The following STXBP6 variants were observed in gnomAD, a reference collection of about 807,000 sequenced individuals.
STXBP6 encodes the protein syntaxin-binding protein 6.
In STXBP6, 21 loss-of-function variants were observed where a neutral mutation model predicts 26.9. The observed-to-expected ratio is 0.78, with a 90% confidence interval of 0.55 to 1.12. STXBP6 has a LOEUF of 1.12. Ranked by LOEUF, STXBP6 falls within the 50% of genes most tolerant of loss-of-function variation. The pLI is 0.00. For synonymous variants in STXBP6, 97 were observed against 92.6 expected (o/e 1.05, Z -0.27); for missense variants, 232 against 257.9 (o/e 0.90, Z 0.69).
intron 2 of STXBP6, among the ~76,000 whole-genome samples, chr14:24,948,929 C>A (rs889539339): frequency 6.6e-6 from 1 of 152,078 alleles, no homozygotes; most frequent in Admixed American, 6.5e-5. Context: ...GGAATACGAT[C>A]TAGGAGGCAT....
At chr14:25,042,474 G>A (rs11626436) in intron 1 of STXBP6, among the ~76,000 whole-genome samples, 28,117 of 152,156 alleles carry the variant, frequency 0.18, 2,661 homozygotes, top group East Asian at 0.21. Flanking sequence ...AAGGTCAATA[G>A]CATTTAGCAT....
intron 2 of STXBP6, among the ~76,000 whole-genome samples, chr14:24,933,333 T>C (rs573082769): frequency 2.7e-4 from 41 of 152,146 alleles, no homozygotes; most frequent in African/African-American, 9.6e-4. Context: ...CAGAGTGAGA[T>C]TCTGTCTCAA....
chr14:24,846,000 G>C (rs2068947342), intron 4 of STXBP6, among the ~76,000 whole-genome samples: 1 of 152,206 alleles, frequency 6.6e-6, no homozygotes, highest in Admixed American at 6.5e-5. Context: ...TAGGTTTCTG[G>C]AGTCCAGAAC....
chr14:24,823,767 T>TA (rs2138806546), intron 4 of STXBP6, among the ~76,000 whole-genome samples: 2 of 152,290 alleles, frequency 1.3e-5, no homozygotes, highest in South Asian at 4.1e-4. Context: ...CCCACTTATC[T>TA]AAACTAACTT....
intron 2 of STXBP6, among the ~76,000 whole-genome samples, chr14:24,897,848 G>A (rs2071052982): frequency 6.6e-6 from 1 of 152,174 alleles, no homozygotes; most frequent in African/African-American, 2.4e-5. Context: ...GTTTGGCCAA[G>A]GGAAGATGCC....
At chr14:24,885,569 C>A (rs997790964) in intron 2 of STXBP6, among the ~76,000 whole-genome samples, 1 of 152,360 alleles carries the variant, frequency 6.6e-6, no homozygotes, top group Non-Finnish European at 1.5e-5. Flanking sequence ...ATCATTAACT[C>A]AGGCACAGCT....
intron 1 of STXBP6, among the ~76,000 whole-genome samples, chr14:25,042,852 C>T (rs1173737490): frequency 6.6e-6 from 1 of 152,216 alleles, no homozygotes; most frequent in African/African-American, 2.4e-5. Context: ...CCAACTGTGT[C>T]AGCTCCAGCG....
intron 1 of STXBP6, among the ~76,000 whole-genome samples, chr14:24,978,796 T>C (rs1288560367): frequency 6.6e-6 from 1 of 152,236 alleles, no homozygotes; most frequent in Non-Finnish European, 1.5e-5. Context: ...TGTAGTGTGA[T>C]GCCTTTCCAC....
chr14:24,845,976 C>G (rs1013682198), intron 4 of STXBP6, among the ~76,000 whole-genome samples: 1 of 152,160 alleles, frequency 6.6e-6, no homozygotes, highest in African/African-American at 2.4e-5. Context: ...GGACACAGCC[C>G]TACTCACTGA....
chr14:25,023,627 A>G (rs1455981037), intron 1 of STXBP6, among the ~76,000 whole-genome samples: 1 of 152,064 alleles, frequency 6.6e-6, no homozygotes, highest in Non-Finnish European at 1.5e-5. Flanking sequence ...TGGGCAACAT[A>G]GCAAGACCCC....
In STXBP6 at chr14:24,908,160, G is replaced by T. The variant is rs897757309; in HGVS notation, c.155-51003C>A. On this transcript the variant is annotated intron_variant, in intron 2 of 5. Coordinates refer to ENST00000323944, the MANE Select transcript of STXBP6 (RefSeq NM_001394410.1). ...AAGTCTTTCGTCTTTACAATAAATA[G>T]TATCACCACTCAGCTGGGTACACTG... Among the ~76,000 whole-genome samples the T allele has an allele frequency of 5.3e-5, 8 of 152,208 alleles. No individual in the cohort carries two copies. In the East Asian group the frequency reaches 1.5e-3, roughly 29 times the overall value.
chr14:24,885,401 C>T (rs530527307), intron 2 of STXBP6, among the ~76,000 whole-genome samples: 1 of 152,292 alleles, frequency 6.6e-6, no homozygotes, highest in South Asian at 2.1e-4. Flanking sequence ...CCAAAGGCCA[C>T]AGGGTAAACT....
At chr14:24,858,527 A>G (rs917807172) in intron 2 of STXBP6, among the ~76,000 whole-genome samples, 1 of 152,090 alleles carries the variant, frequency 6.6e-6, no homozygotes, top group South Asian at 2.1e-4. Context: ...TTTCATACCA[A>G]TTACATTTAC....
intron 4 of STXBP6, among the ~76,000 whole-genome samples, chr14:24,823,179 A>C (rs944472550): frequency 6.6e-6 from 1 of 152,208 alleles, no homozygotes; most frequent in Admixed American, 6.5e-5. Context: ...TGCTTTTAAA[A>C]AAATATATAC....
intron 2 of STXBP6, among the ~76,000 whole-genome samples, chr14:24,972,043 G>A (rs1341484942): frequency 1.3e-5 from 2 of 152,138 alleles, no homozygotes; most frequent in Non-Finnish European, 2.9e-5. Flanking sequence ...CTGCTTCTTT[G>A]TCACTTACAA....
chr14:25,008,119 C>A (rs2074944949), intron 1 of STXBP6, among the ~76,000 whole-genome samples: 1 of 152,124 alleles, frequency 6.6e-6, no homozygotes, highest in South Asian at 2.1e-4. Flanking sequence ...TGCCTGAGTC[C>A]CACATGAACA....
chr14:24,847,199 C>T (rs1258008091), intron 4 of STXBP6, among the ~76,000 whole-genome samples: 2 of 152,130 alleles, frequency 1.3e-5, no homozygotes, highest in Non-Finnish European at 1.5e-5. Context: ...TGTTATTGTT[C>T]TTGAGAATTT....
intron 2 of STXBP6, among the ~76,000 whole-genome samples, chr14:24,928,906 T>C (rs996752900): frequency 6.6e-6 from 1 of 152,064 alleles, no homozygotes; most frequent in Non-Finnish European, 1.5e-5. Flanking sequence ...TCCAAGTAGT[T>C]TCCTTGTGTT....
At position 25,049,397 on chromosome 14, in the gene STXBP6, T is replaced by C; in HGVS notation, c.-33+481A>G. 1 of 985,376 alleles carries C rather than the reference T, an allele frequency of 1.0e-6. No homozygotes were observed. The highest frequency in any genetic ancestry group is 1.2e-6 in the Non-Finnish European group (1 of 829,914). The allele number at this position is 985,376 out of a possible 1,614,324, so 61.0% of individuals were successfully genotyped here. A position where few individuals can be genotyped will look rare whatever the true frequency, so the allele number is the denominator to read the frequency against. On this transcript the variant is annotated intron_variant, in intron 1 of 5. Coordinates refer to ENST00000323944, the MANE Select transcript of STXBP6 (RefSeq NM_001394410.1). The surrounding 1 kb of genome is among the most constrained non-coding windows in gnomAD (Gnocchi z 5.6). ...CGCCTCAGTTTTGGCAGTAATGATT[T>C]TCCTAGAAGATGCCAGAGTTCGCGA... is the stretch of plus-strand genomic sequence containing the variant.
Sources: gnomAD v4.1 joint callset for allele counts (sites outside exome capture counted in the v4.1 genomes callset) on GRCh38, gnomAD v4.1.1 for gene constraint, Gnocchi (gnomAD v3.1) non-coding constraint, MANE v1.5 for transcripts, NCBI Gene and HGNC (gene_info 2026-07-23, HGNC 2026-07-21) for gene names.